Variants in PARD3 observed in about 807,000 individuals in gnomAD.
PARD3 encodes partitioning defective 3 homolog.
Under a neutral mutation model 155.4 loss-of-function variants are expected in PARD3, and 75 were observed. The observed-to-expected ratio is 0.48, with a 90% CI of 0.40 to 0.58. The LOEUF is 0.58. Among genes scored for constraint, PARD3 ranks in the 20% least tolerant of loss-of-function variants. PARD3 has a pLI of 0.00. For missense variants in PARD3, 1,642 were observed against 1,721.7 expected, an observed-to-expected ratio of 0.95 and a Z score of 0.82; for synonymous variants, 576 against 610.5, an observed-to-expected ratio of 0.94 and a Z score of 0.83.
chr10:34,683,104 C>G (rs938621244), intron 2 of PARD3, among the ~76,000 whole-genome samples: 2 of 152,162 alleles, frequency 1.3e-5, no homozygotes, highest in African/African-American at 4.8e-5. Context: ...ATAGATGGAA[C>G]TGGAAGCCAA....
rs978943184 is a variant in PARD3 at position 34,707,841 on chromosome 10, C to G, written c.121-11422G>C. 9.8e-5 allele frequency among the ~76,000 whole-genome samples: 15 copies of G among 152,306 alleles called. No homozygotes were observed. The East Asian group carries it at 1.3e-3, about 14-fold the overall frequency. On this transcript the variant is annotated intron_variant, in intron 1 of 24. Transcript: ENST00000374788. ...CATCTTTAGACCAGAACCCTCCCAGCACTCCCACTTCAAACATCCACCTCT... is the reference window on the plus strand; with the variant it reads ...CATCTTTAGACCAGAACCCTCCCAGGACTCCCACTTCAAACATCCACCTCT...
chr10:34,450,566 A>G lies in PARD3; in HGVS notation c.583-118T>C. On this transcript the variant is annotated intron_variant, in intron 4 of 24. Transcript: ENST00000374788. ...TTCTACATATTTAAAACATCTTTCC[A>G]ATCCTATACAAAATAGCTGATTGAG... 3 of 936,458 alleles carry G rather than the reference A, an allele frequency of 3.2e-6. No individual in the cohort carries two copies. In the East Asian group the frequency reaches 7.9e-5, roughly 25 times the overall value. The allele number at this position is 936,458 out of a possible 1,614,324, so 58.0% of individuals were successfully genotyped here.
At chr10:34,802,620 G>A (rs1187630029) in intron 1 of PARD3, among the ~76,000 whole-genome samples, 1 of 152,126 alleles carries the variant, frequency 6.6e-6, no homozygotes, top group African/African-American at 2.4e-5. Context: ...TTATGGACAT[G>A]TTTGGAGCAT....
intron 20 of PARD3, among the ~76,000 whole-genome samples, chr10:34,308,004 T>C (rs1273375460): frequency 6.6e-6 from 1 of 152,042 alleles, no homozygotes. Context: ...AGCTGACTCT[T>C]GAATAAAGAT....
chr10:34,568,424 T>C (rs1418078710), intron 2 of PARD3, among the ~76,000 whole-genome samples: 1 of 152,148 alleles, frequency 6.6e-6, no homozygotes, highest in Non-Finnish European at 1.5e-5. Context: ...GTTTTGAAAG[T>C]TTCTAGACAA....
chr10:34,619,616 T>G (rs2091498879), intron 2 of PARD3, among the ~76,000 whole-genome samples: 1 of 152,168 alleles, frequency 6.6e-6, no homozygotes, highest in Admixed American at 6.5e-5. Flanking sequence ...GTCATCTCGT[T>G]TCTCACACTG....
intron 1 of PARD3, among the ~76,000 whole-genome samples, chr10:34,748,637 T>A (rs1182711354): frequency 2.0e-5 from 3 of 151,784 alleles, no homozygotes; most frequent in Non-Finnish European, 2.9e-5. Flanking sequence ...ACTCTTCAAG[T>A]AGCAGCATCC....
At chr10:34,549,095 A>C (rs1775589087) in intron 2 of PARD3, among the ~76,000 whole-genome samples, 1 of 152,224 alleles carries the variant, frequency 6.6e-6, no homozygotes, top group African/African-American at 2.4e-5. Context: ...AACAGTAGAA[A>C]TCTTGATCCA....
intron 16 of PARD3, among the ~76,000 whole-genome samples, chr10:34,339,026 G>A (rs1836505290): frequency 6.6e-6 from 1 of 152,068 alleles, no homozygotes; most frequent in Non-Finnish European, 1.5e-5. Flanking sequence ...TGGCTTATAT[G>A]ATGAGAGCAC....
At chr10:34,415,193 G>A (rs1431052210) in intron 5 of PARD3, among the ~76,000 whole-genome samples, 1 of 152,146 alleles carries the variant, frequency 6.6e-6, no homozygotes. Flanking sequence ...AAAGGGTCAG[G>A]AGGTGGGGAA....
intron 6 of PARD3, among the ~76,000 whole-genome samples, chr10:34,399,696 C>A (rs1165247456): frequency 2.0e-5 from 3 of 152,196 alleles, no homozygotes; most frequent in African/African-American, 7.2e-5. Context: ...CAGAACATTT[C>A]TCTTGGACCG....
intron 22 of PARD3, among the ~76,000 whole-genome samples, chr10:34,178,412 G>A (rs981134259): frequency 1.3e-5 from 2 of 152,154 alleles, no homozygotes; most frequent in Non-Finnish European, 2.9e-5. Context: ...AAAGACGGAG[G>A]TGCCAACATT....
intron 1 of PARD3, among the ~76,000 whole-genome samples, chr10:34,698,428 C>T (rs1313741494): frequency 6.6e-6 from 1 of 152,248 alleles, no homozygotes; most frequent in Non-Finnish European, 1.5e-5. Context: ...CTGGACCACA[C>T]CTTACCCTCC....
chr10:34,509,094 C>T (rs1029547987), intron 3 of PARD3, among the ~76,000 whole-genome samples: 4 of 152,072 alleles, frequency 2.6e-5, no homozygotes, highest in Admixed American at 6.6e-5. Context: ...GCATAACAAG[C>T]TCATGTTGAA....
At chr10:34,373,720 A>G (rs1385698000) in intron 11 of PARD3, among the ~76,000 whole-genome samples, 4 of 152,106 alleles carry the variant, frequency 2.6e-5, no homozygotes, top group Non-Finnish European at 4.4e-5. Context: ...ACTTAAAACA[A>G]AAGTGTTCAC....
chr10:34,743,068 T>A (rs1189685958), intron 1 of PARD3, among the ~76,000 whole-genome samples: 1 of 152,232 alleles, frequency 6.6e-6, no homozygotes, highest in African/African-American at 2.4e-5. Flanking sequence ...CCTAATAGTA[T>A]GCACTGGACT....
chr10:34,553,917 C>T (rs2084793089), intron 2 of PARD3, among the ~76,000 whole-genome samples: 1 of 152,190 alleles, frequency 6.6e-6, no homozygotes, highest in Non-Finnish European at 1.5e-5. Flanking sequence ...CCGCCTACTG[C>T]TGTTTTATGA....
At chr10:34,562,378 A>C (rs2085566554) in intron 2 of PARD3, among the ~76,000 whole-genome samples, 1 of 152,008 alleles carries the variant, frequency 6.6e-6, no homozygotes, top group African/African-American at 2.4e-5. Context: ...CAGAGGTTGC[A>C]GTGAGCCAAG....
intron 22 of PARD3, among the ~76,000 whole-genome samples, chr10:34,213,208 GA>G (rs1259206707): frequency 2.6e-5 from 4 of 152,182 alleles, no homozygotes; most frequent in Non-Finnish European, 5.9e-5. Context: ...GGCAGAAAGT[GA>G]AAGGGGGGTG....
Sources: allele counts gnomAD v4.1 joint callset (sites outside exome capture counted in the v4.1 genomes callset), GRCh38; gene constraint gnomAD v4.1.1; transcripts MANE v1.5; gene names NCBI Gene and HGNC (gene_info 2026-07-23, HGNC 2026-07-21).